The following EYS variants were observed in gnomAD, a reference collection of about 807,000 sequenced individuals.
The protein encoded by EYS is protein eyes shut homolog.
Under a neutral mutation model 282.1 loss-of-function variants are expected in EYS, and 250 were observed. The observed-to-expected ratio is 0.89, with a 90% CI of 0.80 to 0.98. The LOEUF is 0.98. Among genes scored for constraint, EYS ranks in the 50% least tolerant of loss-of-function variants. The pLI is 0.00. For synonymous variants in EYS, 1,355 were observed against 1,282.9 expected (o/e 1.06, Z -1.20); for missense variants, 4,016 against 3,709.0 (o/e 1.08, Z -2.15).
intron 12 of EYS, among the ~76,000 whole-genome samples, chr6:65,251,264 AAATT>A (rs1285858887): frequency 6.6e-6 from 1 of 151,706 alleles, no homozygotes; most frequent in Non-Finnish European, 1.5e-5. Flanking sequence ...TTATAAAATA[AAATT>A]AATTACAAAA....
intron 28 of EYS, among the ~76,000 whole-genome samples, chr6:64,408,536 G>A (rs1773793723): frequency 6.6e-6 from 1 of 152,128 alleles, no homozygotes; most frequent in Admixed American, 6.6e-5. Context: ...CCCAGCTGGG[G>A]TACAGGGATA....
intron 26 of EYS, among the ~76,000 whole-genome samples, chr6:64,522,299 A>G (rs532363569): frequency 9.2e-5 from 14 of 151,904 alleles, no homozygotes; most frequent in Admixed American, 1.3e-4. Context: ...ATAGAAGCAT[A>G]TATGAAACAT....
chr6:65,097,657 G>A (rs999191452), intron 12 of EYS, among the ~76,000 whole-genome samples: 1 of 150,732 alleles, frequency 6.6e-6, no homozygotes, highest in African/African-American at 2.4e-5. Context: ...ACATATGTAC[G>A]ATTATTCAGT....
intron 19 of EYS, among the ~76,000 whole-genome samples, chr6:64,841,549 C>CTGATGTAAAGA (rs1216324017): frequency 1.3e-5 from 2 of 152,074 alleles, no homozygotes; most frequent in African/African-American, 4.8e-5. Context: ...TTTTAAAAGG[C>CTGATGTAAAGA]TGATGTAAAG....
intron 33 of EYS, among the ~76,000 whole-genome samples, chr6:64,046,311 G>A (rs148179402): frequency 6.6e-6 from 1 of 151,804 alleles, no homozygotes; most frequent in Non-Finnish European, 1.5e-5. Context: ...GAATCTAAGG[G>A]GAAGAACATT....
intron 22 of EYS, among the ~76,000 whole-genome samples, chr6:64,713,494 T>G (rs1243521546): frequency 6.6e-6 from 1 of 152,170 alleles, no homozygotes; most frequent in African/African-American, 2.4e-5. Flanking sequence ...AAAGGAGATA[T>G]TTCCTTCATA....
In EYS at chr6:64,428,059, C is replaced by G. The variant is rs532145046; in HGVS notation, c.5927+8115G>C. On this transcript the variant is annotated intron_variant, in intron 28 of 42. Transcript: ENST00000503581. Reference sequence around the variant, plus strand: ...GACTTAAATTCAAAGTATTATGTATCTAGCATTTCAAAATGCACTCAACTG... The same window carrying G: ...GACTTAAATTCAAAGTATTATGTATGTAGCATTTCAAAATGCACTCAACTG... 3.9e-5 allele frequency among the ~76,000 whole-genome samples: 6 copies of G among 152,180 alleles called. No homozygotes were observed. The East Asian group carries it at 1.2e-3, about 29-fold the overall frequency.
intron 22 of EYS, among the ~76,000 whole-genome samples, chr6:64,659,708 G>C (rs141444341): frequency 0.024 from 3,647 of 152,090 alleles, 67 homozygotes; most frequent in Non-Finnish European, 0.034. Flanking sequence ...TCTCTGAATG[G>C]ACCAATAACA....
chr6:64,353,514 G>A (rs1771717813), intron 29 of EYS, among the ~76,000 whole-genome samples: 1 of 151,546 alleles, frequency 6.6e-6, no homozygotes, highest in Non-Finnish European at 1.5e-5. Context: ...AGGGCATTAG[G>A]AAAATCTCAA....
intron 37 of EYS, 118 bp from the exon 38 acceptor site, chr6:63,789,342 T>G (rs1582208996): frequency 2.0e-6 from 2 of 989,632 alleles, no homozygotes; most frequent in East Asian, 2.7e-5. Context: ...TAATACATAT[T>G]TAGTCTCTAG....
intron 31 of EYS, among the ~76,000 whole-genome samples, chr6:64,181,557 A>C (rs1192224688): frequency 6.6e-6 from 1 of 152,226 alleles, no homozygotes; most frequent in East Asian, 1.9e-4. Flanking sequence ...CTGGTGGAGT[A>C]ATGCAAATGA....
intron 12 of EYS, among the ~76,000 whole-genome samples, chr6:65,274,286 T>C (rs1767982837): frequency 6.6e-6 from 1 of 152,166 alleles, no homozygotes; most frequent in Non-Finnish European, 1.5e-5. Flanking sequence ...TCATGAAGAA[T>C]TGAAAAATGC....
At chr6:65,131,752 T>C (rs557575698) in intron 12 of EYS, among the ~76,000 whole-genome samples, 2 of 151,712 alleles carry the variant, frequency 1.3e-5, no homozygotes, top group Admixed American at 6.6e-5. Flanking sequence ...AATGGAGTCA[T>C]AAAACAACAT....
chr6:63,780,576 C>A (rs946648857), intron 39 of EYS, among the ~76,000 whole-genome samples: 2 of 152,072 alleles, frequency 1.3e-5, no homozygotes, highest in African/African-American at 4.8e-5. Flanking sequence ...ATATCCTTTG[C>A]CCAGTTTTTG....
chr6:63,853,549 C>A (rs1308794232), intron 36 of EYS, among the ~76,000 whole-genome samples: 1 of 152,120 alleles, frequency 6.6e-6, no homozygotes, highest in African/African-American at 2.4e-5. Flanking sequence ...GTGCAAATGG[C>A]CATACTGCCC....
intron 22 of EYS, among the ~76,000 whole-genome samples, chr6:64,754,442 G>A (rs1297624455): frequency 2.6e-5 from 4 of 152,020 alleles, no homozygotes; most frequent in Non-Finnish European, 5.9e-5. Flanking sequence ...TACTGAAACT[G>A]TTCCAAAAAG....
At chr6:64,353,478 G>A (rs1026161970) in intron 29 of EYS, among the ~76,000 whole-genome samples, 1 of 151,552 alleles carries the variant, frequency 6.6e-6, no homozygotes, top group African/African-American at 2.4e-5. Flanking sequence ...CCATTACTTG[G>A]TTGAAGCAGA....
chr6:65,526,642 A>G (rs944787814), intron 2 of EYS, among the ~76,000 whole-genome samples: 2 of 151,968 alleles, frequency 1.3e-5, no homozygotes, highest in Non-Finnish European at 2.9e-5. Context: ...CGTCTCTACT[A>G]AAAAATACAA....
chr6:65,315,897 C>T (rs71572520), intron 11 of EYS, among the ~76,000 whole-genome samples: 6,546 of 147,906 alleles, frequency 0.044, 110 homozygotes, highest in South Asian at 0.073. Flanking sequence ...CATCCTATTG[C>T]TACATATCCA....
Sources: allele counts gnomAD v4.1 joint callset (sites outside exome capture counted in the v4.1 genomes callset), GRCh38; gene constraint gnomAD v4.1.1; transcripts MANE v1.5; gene names NCBI Gene and HGNC (gene_info 2026-07-23, HGNC 2026-07-21).